QSOX1: variants seen among roughly 807,000 people sequenced by gnomAD.
QSOX1 encodes the protein sulfhydryl oxidase 1.
Under a neutral mutation model 76.1 loss-of-function variants are expected in QSOX1, and 40 were observed. That is an observed-to-expected ratio of 0.53 (90% CI 0.41 to 0.68). The LOEUF (loss-of-function observed/expected upper bound fraction) is 0.68. QSOX1 is among the 30% of genes least tolerant of loss of function. The pLI, the probability that QSOX1 is intolerant of heterozygous loss-of-function variation, is 0.00. For synonymous variants in QSOX1, 392 were observed against 413.1 expected (o/e 0.95, Z 0.62); for missense variants, 931 against 974.3 (o/e 0.96, Z 0.59).
At chr1:180,155,229 GC>G (rs1409851720) in intron 1 of QSOX1, 57 bp downstream of exon 1, 1 of 1,392,932 alleles carries the variant, frequency 7.2e-7, no homozygotes, top group Non-Finnish European at 9.3e-7. Context: ...CCCTCCACCT[GC>G]CCGGTGGGCA....
intron 4 of QSOX1, among the ~76,000 whole-genome samples, chr1:180,177,312 G>C (rs896177125): frequency 6.6e-6 from 1 of 151,204 alleles, no homozygotes; most frequent in African/African-American, 2.4e-5. Context: ...GGAGTGCAGC[G>C]GCACGATCTT....
In QSOX1 at chr1:180,202,084, A is replaced by G. The variant is rs1663646701; in HGVS notation, c.*5047A>G. The G allele has an allele frequency of 6.6e-6, 1 of 152,274 alleles. No homozygotes were observed. The highest frequency in any genetic ancestry group is 2.4e-5 in the African/African-American group (1 of 41,444). The allele number at this position is 152,274 out of a possible 1,614,324, so 9.4% of individuals were successfully genotyped here. On this transcript the variant is annotated 3_prime_UTR_variant, in exon 12 of 12. Coordinates refer to ENST00000367602, the MANE Select transcript of QSOX1 (RefSeq NM_002826.5). Reference sequence around the variant, plus strand: ...TGCCAGGCCTGGGTCACAGTGGAAGAGAGTCTGGAAATCACAAGGCAGAGG... The same window carrying G: ...TGCCAGGCCTGGGTCACAGTGGAAGGGAGTCTGGAAATCACAAGGCAGAGG...
chr1:180,182,132 C>T (rs534984389), intron 5 of QSOX1, 42 bp from the exon 6 acceptor site: 57 of 1,608,364 alleles, frequency 3.5e-5, no homozygotes, highest in Admixed American at 6.7e-5. Flanking sequence ...TGGCTCCCTC[C>T]ACCCGGTGGC....
At chr1:180,192,318 G>A (rs1663339621) in intron 10 of QSOX1, among the ~76,000 whole-genome samples, 1 of 152,204 alleles carries the variant, frequency 6.6e-6, no homozygotes, top group Non-Finnish European at 1.5e-5. Flanking sequence ...AGGCCTTGGC[G>A]AGGGCAGGGT....
rs1394324453 is a variant in QSOX1 at position 180,197,374 on chromosome 1, T to C, written c.*337T>C. 9 of 1,613,666 alleles carry C rather than the reference T, an allele frequency of 5.6e-6. No individual in the cohort carries two copies. Among genetic ancestry groups the C allele is most frequent in the South Asian group, 4.4e-5 (4 of 91,076 alleles). On this transcript the variant is annotated 3_prime_UTR_variant, in exon 12 of 12. Transcript: ENST00000367602. Reference sequence around the variant, plus strand: ...CCTCATTCTCACTGGAGCCTCAGTCTCTCCTGCTTGGTCTTGGCCCTCAAC... The same window carrying C: ...CCTCATTCTCACTGGAGCCTCAGTCCCTCCTGCTTGGTCTTGGCCCTCAAC...
chr1:180,186,241 C>G (rs2298207), intron 8 of QSOX1, 59 bp downstream of exon 8: 1,198,674 of 1,561,052 alleles, frequency 0.77, 461,895 homozygotes, highest in Non-Finnish European at 0.79. Flanking sequence ...AGTGTGCGTT[C>G]CTGTAAGGCT....
At position 180,155,181 on chromosome 1, in the gene QSOX1, CG is replaced by C; in HGVS notation, c.265+14del. 2.0e-6 allele frequency: 3 copies of C among 1,484,270 alleles called. No individual in the cohort carries two copies. The highest frequency in any genetic ancestry group is 2.3e-5 in the Admixed American group (1 of 44,374). The allele number at this position is 1,484,270 out of a possible 1,614,324, so 91.9% of individuals were successfully genotyped here. A position where few individuals can be genotyped will look rare whatever the true frequency, so the allele number is the denominator to read the frequency against. On this transcript the variant is annotated intron_variant, in intron 1 of 11. Transcript: ENST00000367602. ...GGCCGAAGACGTCAAAGGTGAGAAG[CG>C]GGGGCGGCCCGCTCCCCCGTGCCCC...
At position 180,197,711 on chromosome 1, in the gene QSOX1, G is replaced by A. The variant is rs887160217; in HGVS notation, c.*674G>A. 17 of 314,628 alleles carry A rather than the reference G, an allele frequency of 5.4e-5. No homozygotes were observed. The South Asian group carries it at 6.4e-4, about 12-fold the overall frequency. The allele number at this position is 314,628 out of a possible 1,614,324, so 19.5% of individuals were successfully genotyped here. A position where few individuals can be genotyped will look rare whatever the true frequency, so the allele number is the denominator to read the frequency against. On this transcript the variant is annotated 3_prime_UTR_variant, in exon 12 of 12. Transcript: ENST00000367602. ...GCTTGGTGGGACCTGACGAGTTGGT[G>A]GCATGGGAAGGATGTGGGTCTCTAG... is the stretch of plus-strand genomic sequence containing the variant.
chr1:180,158,943 G>A (rs1019196624), intron 1 of QSOX1, among the ~76,000 whole-genome samples: 3 of 152,226 alleles, frequency 2.0e-5, no homozygotes, highest in Non-Finnish European at 4.4e-5. Flanking sequence ...AGAGAGACAT[G>A]TGGAGCTCAC....
intron 6 of QSOX1, among the ~76,000 whole-genome samples, chr1:180,182,608 C>G (rs1407711516): frequency 6.6e-6 from 1 of 152,202 alleles, no homozygotes; most frequent in Non-Finnish European, 1.5e-5. Flanking sequence ...TGGCCCTCTT[C>G]TCCACCCTCT....
chr1:180,172,771 G>A (rs1373631827), intron 2 of QSOX1, among the ~76,000 whole-genome samples: 2 of 152,114 alleles, frequency 1.3e-5, no homozygotes, highest in Non-Finnish European at 2.9e-5. Flanking sequence ...CGCCCACCTC[G>A]GCCTCCCAAA....
rs570810148 is a variant in QSOX1, at chr1:180,161,704, A to G, written c.266-4787A>G. On this transcript the variant is annotated intron_variant, in intron 1 of 11. Transcript: ENST00000367602. ...TCTTAAATCTGGACAACAAAACATTAAAAAGAACCAGCAACGTTTCAAATT... is the reference window on the plus strand; with the variant it reads ...TCTTAAATCTGGACAACAAAACATTGAAAAGAACCAGCAACGTTTCAAATT... Among the ~76,000 whole-genome samples, 3 of 152,358 alleles carry G rather than the reference A, an allele frequency of 2.0e-5. No individual in the cohort carries two copies. In the East Asian group the frequency reaches 5.8e-4, roughly 29 times the overall value.
rs1053659167 is a variant in QSOX1 at position 180,200,677 on chromosome 1, A to G, written c.*3640A>G. The stretch of plus-strand genomic sequence containing the variant: ...GCTTAAAGAGATTAAGAAACATCCT[A>G]TCCCCTTTACTCCCACCAAAATAAA... On this transcript the variant is annotated 3_prime_UTR_variant, in exon 12 of 12. Transcript: ENST00000367602. 2.0e-5 allele frequency: 3 copies of G among 152,192 alleles called. No homozygotes were observed. The highest frequency in any genetic ancestry group is 6.5e-5 in the Admixed American group (1 of 15,276). 9.4% of individuals were successfully genotyped at this position (152,192 alleles called of 1,614,324 possible). A position where few individuals can be genotyped will look rare whatever the true frequency, so the allele number is the denominator to read the frequency against.
chr1:180,193,128 G>C (rs1461719708), intron 10 of QSOX1, among the ~76,000 whole-genome samples: 1 of 152,128 alleles, frequency 6.6e-6, no homozygotes, highest in Non-Finnish European at 1.5e-5. Flanking sequence ...AGGAACTGGG[G>C]CATGACTGGG....
Position 180,197,956 on chromosome 1 carries a change from A to T in QSOX1, c.*919A>T. The T allele has an allele frequency of 2.9e-6, 1 of 350,422 alleles. No individual in the cohort carries two copies. The highest frequency in any genetic ancestry group is 5.7e-6 in the Non-Finnish European group (1 of 175,272). 21.7% of individuals were successfully genotyped at this position (350,422 alleles called of 1,614,324 possible). On this transcript the variant is annotated 3_prime_UTR_variant, in exon 12 of 12. Transcript: ENST00000367602. ...GAAGTTAGAAGGGTCTGGCGGGGGCAGTGCCTTACACATGCTTGATTCCCA... is the reference window on the plus strand; with the variant it reads ...GAAGTTAGAAGGGTCTGGCGGGGGCTGTGCCTTACACATGCTTGATTCCCA...
chr1:180,189,817 A>C, intron 9 of QSOX1, 143 bp downstream of exon 9: 1 of 890,226 alleles, frequency 1.1e-6, no homozygotes. Context: ...ATAATCAATA[A>C]ATGACTATTG....
intron 1 of QSOX1, among the ~76,000 whole-genome samples, chr1:180,162,451 T>A (rs751312657): frequency 2.0e-5 from 3 of 152,136 alleles, no homozygotes; most frequent in Non-Finnish European, 2.9e-5. Context: ...AAACACTTAA[T>A]CAGCCTGGGC....
In QSOX1 at chr1:180,200,254, T is replaced by G. The variant is rs1355355534; in HGVS notation, c.*3217T>G. On this transcript the variant is annotated 3_prime_UTR_variant, in exon 12 of 12. Transcript: ENST00000367602. ...CACCTACCAGATTGTTGTACCATGC[T>G]GGGCAAACACTAAGTGCTTAATAAT... 6.6e-6 allele frequency: 1 copy of G among 152,262 alleles called. No homozygotes were observed. Among genetic ancestry groups the G allele is most frequent in the Non-Finnish European group, 1.5e-5 (1 of 68,058 alleles). The allele number at this position is 152,262 out of a possible 1,614,324, so 9.4% of individuals were successfully genotyped here. A position where few individuals can be genotyped will look rare whatever the true frequency, so the allele number is the denominator to read the frequency against.
chr1:180,186,623 C>G (rs1192872860), intron 8 of QSOX1, among the ~76,000 whole-genome samples: 1 of 152,262 alleles, frequency 6.6e-6, no homozygotes, highest in African/African-American at 2.4e-5. Context: ...GACCCGATCC[C>G]TGGCCCTGGC....
Sources: allele counts gnomAD v4.1 joint callset (sites outside exome capture counted in the v4.1 genomes callset), GRCh38; gene constraint gnomAD v4.1.1; transcripts MANE v1.5; gene names NCBI Gene and HGNC (gene_info 2026-07-23, HGNC 2026-07-21).